CPNE5: variants seen among roughly 807,000 people sequenced by gnomAD.
CPNE5 encodes copine-5.
Under a neutral mutation model 81.1 loss-of-function variants are expected in CPNE5, and 42 were observed. The observed-to-expected ratio is 0.52, with a 90% CI of 0.40 to 0.67. The LOEUF is 0.67. Among genes scored for constraint, CPNE5 ranks in the 30% least tolerant of loss-of-function variants. The probability of loss-of-function intolerance (pLI) is 0.00; values close to 1 mark genes in which losing one functional copy is unlikely to be tolerated. For missense variants in CPNE5, 612 were observed against 815.5 expected, an observed-to-expected ratio of 0.75 and a Z score of 3.04; for synonymous variants, 313 against 321.5, an observed-to-expected ratio of 0.97 and a Z score of 0.28.
At chr6:36,751,939 G>C (rs180816438) in intron 14 of CPNE5, among the ~76,000 whole-genome samples, 52 of 152,328 alleles carry the variant, frequency 3.4e-4, no homozygotes, top group African/African-American at 1.2e-3. Flanking sequence ...GATGGGGGAA[G>C]AGTGCAAAGG....
chr6:36,792,108 G>A lies in CPNE5; in HGVS notation c.465-12C>T, dbSNP rs1490139801. The A allele has an allele frequency of 6.2e-7, 1 of 1,612,356 alleles. No homozygotes were observed. Among genetic ancestry groups the A allele is most frequent in the Non-Finnish European group, 8.5e-7 (1 of 1,178,402 alleles). ...TTCCTGGGACACCACTGGGAGAGGA[G>A]AAGATGAAAGAATGGAAAGCCAGAC... On this transcript the variant is annotated splice_polypyrimidine_tract_variant and intron_variant, in intron 7 of 20. Transcript: ENST00000244751.
intron 3 of CPNE5, among the ~76,000 whole-genome samples, chr6:36,820,512 C>T (rs768334622): frequency 7.9e-5 from 12 of 151,800 alleles, no homozygotes; most frequent in South Asian, 2.1e-4. Context: ...TGGCTAATTC[C>T]TAATCCATTC....
intron 10 of CPNE5, among the ~76,000 whole-genome samples, chr6:36,768,740 A>G (rs1041185529): frequency 2.6e-5 from 4 of 152,192 alleles, no homozygotes; most frequent in South Asian, 4.1e-4. Context: ...CAGACCACCA[A>G]ATGAACACCT....
intron 10 of CPNE5, 43 bp from the exon 11 acceptor site, chr6:36,765,419 C>T (rs748810906): frequency 3.7e-6 from 6 of 1,612,384 alleles, no homozygotes; most frequent in Non-Finnish European, 4.2e-6. Flanking sequence ...CAACCCCACA[C>T]CCACGTGGCT....
At chr6:36,759,086 T>C (rs1372077618) in intron 12 of CPNE5, among the ~76,000 whole-genome samples, 9 of 152,174 alleles carry the variant, frequency 5.9e-5, no homozygotes, top group Non-Finnish European at 1.3e-4. Flanking sequence ...AAACTTTTGC[T>C]CCAACATAGC....
chr6:36,742,281 T>G lies in CPNE5; in HGVS notation c.1769A>C (p.His590Pro). 6.3e-7 allele frequency: 1 copy of G among 1,591,552 alleles called. No homozygotes were observed. The highest frequency in any genetic ancestry group is 8.5e-7 in the Non-Finnish European group (1 of 1,171,418). ...PARTPPASPL[H>P]THI is the part of the protein sequence containing the mutation. ...CTGAGACCAGGTTCAGATGTGCGTG[T>G]GCAGGGGGGACGCAGGGGGCGTGCG... The change falls in exon 21 of 21, where the codon CAC becomes CCC. Residue 590 changes from histidine to proline, a missense_variant. His to Pro is a moderately conservative substitution (Grantham distance 77, BLOSUM62 -2). Transcript: ENST00000244751.
chr6:36,742,068 C>A lies in CPNE5; in HGVS notation c.*200G>T, dbSNP rs969414073. The stretch of plus-strand genomic sequence containing the variant: ...CTGTGTACCCCTCTTTCACCCGTAC[C>A]CCCCTAACTCCCTGGGTTTGGGCAA... On this transcript the variant is annotated 3_prime_UTR_variant, in exon 21 of 21. Transcript: ENST00000244751. 1.9e-5 allele frequency: 11 copies of A among 565,128 alleles called. No individual in the cohort carries two copies. The highest frequency in any genetic ancestry group is 1.7e-4 in the African/African-American group (9 of 53,166). 35.0% of individuals were successfully genotyped at this position (565,128 alleles called of 1,614,324 possible).
At chr6:36,742,907 G>C in intron 20 of CPNE5, 1 of 985,304 alleles carries the variant, frequency 1.0e-6, no homozygotes, top group Non-Finnish European at 1.2e-6. Flanking sequence ...TTTCTCTCTG[G>C]GGCTAATCTG....
intron 9 of CPNE5, among the ~76,000 whole-genome samples, chr6:36,776,062 T>C (rs956137922): frequency 1.3e-5 from 2 of 152,198 alleles, no homozygotes; most frequent in African/African-American, 4.8e-5. Context: ...CAGAATTGAC[T>C]TATCCCAGAT....
intron 1 of CPNE5, among the ~76,000 whole-genome samples, chr6:36,825,208 G>T (rs975695682): frequency 2.0e-5 from 3 of 152,104 alleles, no homozygotes; most frequent in African/African-American, 7.2e-5. Flanking sequence ...ACGCCCTAAG[G>T]TGGGAGCCAA....
At chr6:36,838,734 T>G in intron 1 of CPNE5, 6 of 980,434 alleles carry the variant, frequency 6.1e-6, no homozygotes, top group Non-Finnish European at 7.3e-6. Context: ...TTTCCAGGAG[T>G]CGATTTCGTT....
At chr6:36,826,627 G>A (rs1583032557) in intron 1 of CPNE5, among the ~76,000 whole-genome samples, 1 of 152,190 alleles carries the variant, frequency 6.6e-6, no homozygotes. Flanking sequence ...CCATGGCAGA[G>A]TTTCCCACCC....
At chr6:36,760,561 A>G (rs1765926639) in intron 12 of CPNE5, among the ~76,000 whole-genome samples, 1 of 152,030 alleles carries the variant, frequency 6.6e-6, no homozygotes, top group Admixed American at 6.6e-5. Flanking sequence ...GATGAGGGGA[A>G]CGATGTCAGA....
At chr6:36,788,039 T>C (rs904491370) in intron 8 of CPNE5, among the ~76,000 whole-genome samples, 4 of 151,034 alleles carry the variant, frequency 2.6e-5, no homozygotes, top group South Asian at 2.1e-4. Context: ...CTTTTCTTTT[T>C]TTTTTTTTTT....
At chr6:36,748,591 G>C (rs1210629320) in intron 14 of CPNE5, among the ~76,000 whole-genome samples, 1 of 152,062 alleles carries the variant, frequency 6.6e-6, no homozygotes, top group Non-Finnish European at 1.5e-5. Context: ...GGCTGGGTGA[G>C]GTTGGGTCTC....
chr6:36,743,025 C>T (rs1034249180), intron 20 of CPNE5: 1 of 985,462 alleles, frequency 1.0e-6, no homozygotes. Context: ...GGGCCGGTCC[C>T]ACCTCCCAGG....
At chr6:36,822,211 A>C (rs776990097) in intron 2 of CPNE5, 51 bp from the exon 3 acceptor site, 1 of 1,414,246 alleles carries the variant, frequency 7.1e-7, no homozygotes, top group South Asian at 1.5e-5. Flanking sequence ...AAGAGGAAGG[A>C]GGGGTCCCAG....
At chr6:36,800,273 G>T (rs947250863) in intron 3 of CPNE5, among the ~76,000 whole-genome samples, 21 of 152,148 alleles carry the variant, frequency 1.4e-4, no homozygotes, top group African/African-American at 4.1e-4. Flanking sequence ...GTACAGTATG[G>T]CTCCAACCCG....
At chr6:36,776,091 C>T (rs1484888291) in intron 9 of CPNE5, among the ~76,000 whole-genome samples, 8 of 152,110 alleles carry the variant, frequency 5.3e-5, no homozygotes, top group Admixed American at 1.3e-4. Flanking sequence ...ATCTGGTGTC[C>T]CTGCCCATGC....
Sources: allele counts gnomAD v4.1 joint callset (sites outside exome capture counted in the v4.1 genomes callset), GRCh38; gene constraint gnomAD v4.1.1; transcripts MANE v1.5; gene names NCBI Gene and HGNC (gene_info 2026-07-23, HGNC 2026-07-21).